The following MSRA variants were observed in gnomAD, a reference collection of about 807,000 sequenced individuals.
The protein encoded by MSRA is mitochondrial peptide methionine sulfoxide reductase.
In MSRA, 54 loss-of-function variants were observed where a neutral mutation model predicts 31.3. The observed-to-expected ratio is 1.73, with a 90% confidence interval of 1.39 to 2.17. The LOEUF (loss-of-function observed/expected upper bound fraction) is 2.17. Among genes scored for constraint, MSRA ranks in the 30% most tolerant of loss-of-function variants. The pLI is 0.00. For missense variants in MSRA, 507 were observed against 300.9 expected, an observed-to-expected ratio of 1.69 and a Z score of -5.07; for synonymous variants, 169 against 116.5, an observed-to-expected ratio of 1.45 and a Z score of -2.90.
At chr8:10,236,685 C>T (rs1811970755) in intron 2 of MSRA, among the ~76,000 whole-genome samples, 1 of 152,158 alleles carries the variant, frequency 6.6e-6, no homozygotes, top group Non-Finnish European at 1.5e-5. Flanking sequence ...GCTGGGACTA[C>T]AGGTGCACGC....
At chr8:10,108,464 G>C (rs1360044095) in intron 1 of MSRA, among the ~76,000 whole-genome samples, 1 of 152,172 alleles carries the variant, frequency 6.6e-6, no homozygotes, top group Non-Finnish European at 1.5e-5. Context: ...ATAGTCTGTG[G>C]ATTAGAACTG....
chr8:10,260,882 TAAC>T, intron 3 of MSRA, among the ~76,000 whole-genome samples: 4 of 152,302 alleles, frequency 2.6e-5, no homozygotes, highest in African/African-American at 9.6e-5. Flanking sequence ...GAGAGGAAAA[TAAC>T]ATTTGGATAT....
chr8:10,270,591 G>A (rs1317681380), intron 3 of MSRA, among the ~76,000 whole-genome samples: 1 of 152,176 alleles, frequency 6.6e-6, no homozygotes, highest in Non-Finnish European at 1.5e-5. Context: ...CCAGCACAGG[G>A]CCACTGAAAC....
intron 1 of MSRA, among the ~76,000 whole-genome samples, chr8:10,083,916 T>G (rs1035407637): frequency 2.6e-5 from 4 of 152,224 alleles, no homozygotes; most frequent in African/African-American, 7.2e-5. Context: ...GTGAGTACTT[T>G]GAATTTCAAA....
intron 2 of MSRA, among the ~76,000 whole-genome samples, chr8:10,223,076 T>C (rs1585206947): frequency 6.6e-6 from 1 of 152,206 alleles, no homozygotes; most frequent in African/African-American, 2.4e-5. Flanking sequence ...CACCATAAAA[T>C]TGTGTTTGTC....
chr8:10,360,686 C>T (rs1804795440), intron 5 of MSRA, among the ~76,000 whole-genome samples: 1 of 152,208 alleles, frequency 6.6e-6, no homozygotes, highest in South Asian at 2.1e-4. Flanking sequence ...AAAGCAGGCA[C>T]AATTCTGGGC....
intron 1 of MSRA, among the ~76,000 whole-genome samples, chr8:10,087,778 T>G (rs1798644742): frequency 6.6e-6 from 1 of 152,250 alleles, no homozygotes; most frequent in African/African-American, 2.4e-5. Context: ...TTTCTAAGAT[T>G]GGCTTAAAGT....
intron 5 of MSRA, among the ~76,000 whole-genome samples, chr8:10,381,556 A>G (rs756020296): frequency 1.1e-4 from 17 of 152,174 alleles, no homozygotes; most frequent in Non-Finnish European, 1.9e-4. Context: ...AGTCAAATCC[A>G]TCTGCTGTCC....
At chr8:10,327,985 G>A (rs935822392) in intron 5 of MSRA, among the ~76,000 whole-genome samples, 1 of 143,364 alleles carries the variant, frequency 7.0e-6, no homozygotes, top group Non-Finnish European at 1.5e-5. Context: ...TGCAGTCATT[G>A]CTGCTTTTCT....
chr8:10,123,905 C>T (rs1256347165), intron 1 of MSRA, among the ~76,000 whole-genome samples: 8 of 151,526 alleles, frequency 5.3e-5, no homozygotes, highest in Admixed American at 3.9e-4. Context: ...CACTCTGTCA[C>T]CCAGGCTAGA....
intron 4 of MSRA, among the ~76,000 whole-genome samples, chr8:10,317,964 A>G (rs1372697465): frequency 1.3e-5 from 2 of 152,046 alleles, no homozygotes. Context: ...CACCAGCTTC[A>G]GGACCCACCA....
intron 2 of MSRA, among the ~76,000 whole-genome samples, chr8:10,240,022 GC>G (rs1042413318): frequency 1.3e-5 from 2 of 152,206 alleles, no homozygotes; most frequent in Admixed American, 1.3e-4. Flanking sequence ...CCAGCTGTGG[GC>G]TCACTGCTGC....
At chr8:10,264,083 G>A (rs1798618691) in intron 3 of MSRA, among the ~76,000 whole-genome samples, 1 of 152,148 alleles carries the variant, frequency 6.6e-6, no homozygotes, top group Admixed American at 6.5e-5. Flanking sequence ...TTTCAACAGA[G>A]GAAGCAGAGC....
chr8:10,385,859 G>A (rs1806359289), intron 5 of MSRA, among the ~76,000 whole-genome samples: 1 of 152,128 alleles, frequency 6.6e-6, no homozygotes, highest in South Asian at 2.1e-4. Context: ...TAGCGCCAGT[G>A]TGGAGAGAGC....
chr8:10,183,591 C>T (rs2129050800), intron 1 of MSRA, among the ~76,000 whole-genome samples: 1 of 152,246 alleles, frequency 6.6e-6, no homozygotes, highest in Middle Eastern at 3.4e-3. Context: ...TGGAGAATAG[C>T]AACATTAGTA....
At chr8:10,391,591 C>T (rs974107182) in intron 5 of MSRA, among the ~76,000 whole-genome samples, 4 of 152,226 alleles carry the variant, frequency 2.6e-5, no homozygotes, top group South Asian at 2.1e-4. Flanking sequence ...ATAAAGCCAA[C>T]AGTCAGGTGA....
intron 1 of MSRA, among the ~76,000 whole-genome samples, chr8:10,162,202 G>C (rs1207310288): frequency 6.6e-6 from 1 of 152,160 alleles, no homozygotes; most frequent in South Asian, 2.1e-4. Context: ...CTGAGCCAAG[G>C]CTCTTATTTA....
Position 10,054,361 on chromosome 8 carries a change from C to A in MSRA, c.-156C>A. ...GGGTTTGGGCAACCTCGATTACGGG[C>A]GGCCTCCAGCCCCGCCAGCAGCGCC... is the stretch of plus-strand genomic sequence containing the variant. On this transcript the variant is annotated 5_prime_UTR_variant, in exon 1 of 6. Coordinates refer to ENST00000317173, the MANE Select transcript of MSRA (RefSeq NM_012331.5). The A allele has an allele frequency of 4.7e-6, 3 of 639,970 alleles. No individual in the cohort carries two copies. Among genetic ancestry groups the A allele is most frequent in the Non-Finnish European group, 4.4e-6 (2 of 450,492 alleles). 39.6% of individuals were successfully genotyped at this position (639,970 alleles called of 1,614,324 possible). A position where few individuals can be genotyped will look rare whatever the true frequency, so the allele number is the denominator to read the frequency against.
chr8:10,385,454 G>A (rs966976614), intron 5 of MSRA, among the ~76,000 whole-genome samples: 1 of 152,196 alleles, frequency 6.6e-6, no homozygotes, highest in Non-Finnish European at 1.5e-5. Context: ...GGTACATGGC[G>A]GGTGGAAGCC....
Sources: gnomAD v4.1 joint callset for allele counts (sites outside exome capture counted in the v4.1 genomes callset) on GRCh38, gnomAD v4.1.1 for gene constraint, MANE v1.5 for transcripts, NCBI Gene and HGNC (gene_info 2026-07-23, HGNC 2026-07-21) for gene names.